The following OFD1 variants were observed in gnomAD, a reference collection of about 807,000 sequenced individuals.
OFD1 encodes the protein OFD1 centriole and centriolar satellite protein.
A neutral mutation model predicts 81.4 loss-of-function variants in OFD1; 12 were observed. The ratio of observed to expected loss-of-function variants is 0.15; its 90% confidence interval spans 0.09 to 0.24. The LOEUF (loss-of-function observed/expected upper bound fraction) is 0.24, where lower values mean the gene tolerates loss of function less well. OFD1 is among the 10% of genes least tolerant of loss of function. OFD1 has a pLI of 1.00. For missense variants in OFD1, 685 were observed against 733.9 expected, an observed-to-expected ratio of 0.93 and a Z score of 0.77; for synonymous variants, 256 against 263.7, an observed-to-expected ratio of 0.97 and a Z score of 0.28.
rs149902532 is a variant in OFD1 at position 13,742,879 on chromosome X, G to A, written c.413-1536G>A. Among the ~76,000 whole-genome samples the A allele has an allele frequency of 4.3e-3, 481 of 111,226 alleles. 1 individual carries two copies. Among genetic ancestry groups the A allele is most frequent in the African/African-American group, 0.015 (455 of 30,523 alleles). On this transcript the variant is annotated intron_variant, in intron 5 of 22. Coordinates refer to ENST00000340096, the MANE Select transcript of OFD1 (RefSeq NM_003611.3). ...AGTGTCGAAACCCATAGAGCTTTAC[G>A]TCATCAAGAGTGAACCTTAATGTTT...
chrX:13,762,230 A>G lies in OFD1; in HGVS notation c.2388-114A>G, dbSNP rs939141000. 59 of 535,516 alleles carry G rather than the reference A, an allele frequency of 1.1e-4. No homozygotes were observed. In the African/African-American group the frequency reaches 1.3e-3, roughly 12 times the overall value. The allele number at this position is 535,516 out of a possible 1,213,427, so 44.1% of individuals were successfully genotyped here. A position where few individuals can be genotyped will look rare whatever the true frequency, so the allele number is the denominator to read the frequency against. Reference sequence around the variant, plus strand: ...GTGAGGTGGAGCTATTTACAAGACAAAGAGAAAGGGAATTTTGTAGAGCCT... The same window carrying G: ...GTGAGGTGGAGCTATTTACAAGACAGAGAGAAAGGGAATTTTGTAGAGCCT... On this transcript the variant is annotated intron_variant, in intron 17 of 22. Transcript: ENST00000340096.
chrX:13,739,232 A>G lies in OFD1; in HGVS notation c.412+200A>G, dbSNP rs143448205. ...ATTAAAAAAACTGTAGACAGTATCA[A>G]AGGCCCTACAGACAGGCTGAAAGAT... On this transcript the variant is annotated intron_variant, in intron 5 of 22. Transcript: ENST00000340096. 3.1e-4 allele frequency: 125 copies of G among 407,042 alleles called. No homozygotes were observed. The East Asian group carries it at 4.3e-3, about 14-fold the overall frequency. The allele number at this position is 407,042 out of a possible 1,213,427, so 33.5% of individuals were successfully genotyped here. A position where few individuals can be genotyped will look rare whatever the true frequency, so the allele number is the denominator to read the frequency against.
intron 5 of OFD1, among the ~76,000 whole-genome samples, chrX:13,743,687 A>G (rs754971392): frequency 2.7e-5 from 3 of 111,724 alleles, no homozygotes; most frequent in African/African-American, 3.2e-5. Flanking sequence ...GTTCATGTTT[A>G]TTCAGCATCT....
At chrX:13,760,847 GT>G in intron 16 of OFD1, 127 bp downstream of exon 16, 1 of 917,071 alleles carries the variant, frequency 1.1e-6, no homozygotes, top group Non-Finnish European at 1.5e-6. Context: ...ACACAGAGCT[GT>G]TTAGAGAGTG....
At chrX:13,741,419 G>C (rs1303005570) in intron 5 of OFD1, among the ~76,000 whole-genome samples, 1 of 112,151 alleles carries the variant, frequency 8.9e-6, no homozygotes, top group East Asian at 2.8e-4. Context: ...CTTAACCGTT[G>C]TCTGTCCCCT....
chrX:13,768,973 A>AC, intron 22 of OFD1, 93 bp from the exon 23 acceptor site: 1 of 786,522 alleles, frequency 1.3e-6, no homozygotes, highest in South Asian at 2.1e-5. Context: ...TAGGGCAGAA[A>AC]CCCCCCAGGG....
At chrX:13,772,608 G>A (rs2048321796), downstream of OFD1, 2 of 288,318 alleles carry the variant, frequency 6.9e-6, no homozygotes, top group Non-Finnish European at 1.2e-5. Context: ...CAATAAATGT[G>A]AACATGCCAC....
chrX:13,723,548 C>T, the OFD1 span, among the ~76,000 whole-genome samples: 1 of 111,595 alleles, frequency 9.0e-6, no homozygotes, highest in South Asian at 3.7e-4. Flanking sequence ...CTTAGAATTC[C>T]AATATATAAT....
At chrX:13,761,524 AAAAC>A (rs1338413791) in intron 17 of OFD1, among the ~76,000 whole-genome samples, 20 of 112,478 alleles carry the variant, frequency 1.8e-4, no homozygotes, top group African/African-American at 6.1e-4. Flanking sequence ...ATTAAGATAA[AAAAC>A]AAATGTACAA....
chrX:13,753,796 A>C (rs1053259370), intron 11 of OFD1, among the ~76,000 whole-genome samples: 1 of 87,111 alleles, frequency 1.1e-5, no homozygotes. Context: ...TTTATTTTTC[A>C]CTTACGGAAA....
chrX:13,739,466 C>T (rs1037676649), intron 5 of OFD1, among the ~76,000 whole-genome samples: 11 of 111,943 alleles, frequency 9.8e-5, no homozygotes, highest in South Asian at 7.3e-4. Flanking sequence ...TTTATACAGG[C>T]CGGGCGTGGT....
chrX:13,747,647 G>A (rs1057077110), intron 8 of OFD1, among the ~76,000 whole-genome samples: 9 of 111,782 alleles, frequency 8.1e-5, no homozygotes, highest in Admixed American at 1.9e-4. Flanking sequence ...TCAAGGACTC[G>A]ATCTGGATAG....
chrX:13,761,193 C>T lies in OFD1; in HGVS notation c.2369C>T (p.Pro790Leu). 1 of 1,210,906 alleles carries T rather than the reference C, an allele frequency of 8.3e-7. No homozygotes were observed. Among genetic ancestry groups the T allele is most frequent in the Non-Finnish European group, 1.1e-6 (1 of 895,004 alleles). Residue 790 changes from proline (P) to leucine (L), a missense_variant, in exon 17 of 23, where the codon CCT becomes CTT. This residue lies in a region of OFD1 where 259 missense variants were observed against 254.4 expected (regional missense o/e 1.02). Coordinates refer to ENST00000340096, the MANE Select transcript of OFD1 (RefSeq NM_003611.3). ...CTCTCCATCCCTCCTGTCTCCAGCCCTCCGGAGCAGAAAGTGGGGTAAGTA... is the reference window on the plus strand; with the variant it reads ...CTCTCCATCCCTCCTGTCTCCAGCCTTCCGGAGCAGAAAGTGGGGTAAGTA... ...HSLSIPPVSS[P>L]PEQKVGLYRR...
upstream of OFD1, among the ~76,000 whole-genome samples, chrX:13,730,618 G>A (rs190863764): frequency 6.6e-4 from 74 of 111,684 alleles, no homozygotes; most frequent in African/African-American, 2.3e-3. Context: ...ACAAGCACAC[G>A]TATGTTTATT....
At chrX:13,725,491 C>T in the OFD1 span, among the ~76,000 whole-genome samples, 1 of 112,295 alleles carries the variant, frequency 8.9e-6, no homozygotes, top group Non-Finnish European at 1.9e-5. Flanking sequence ...CCAGCAAACT[C>T]CAACAGACCT....
downstream of OFD1, among the ~76,000 whole-genome samples, chrX:13,769,747 G>A (rs1293007424): frequency 9.0e-6 from 1 of 111,471 alleles, no homozygotes; most frequent in Non-Finnish European, 1.9e-5. Flanking sequence ...AGGCCCTTTT[G>A]CCCTTGCACC....
intron 17 of OFD1, among the ~76,000 whole-genome samples, chrX:13,761,638 CAG>C (rs2047934416): frequency 8.9e-6 from 1 of 112,265 alleles, no homozygotes; most frequent in East Asian, 2.8e-4. Flanking sequence ...GAAATATAAA[CAG>C]ATAAGGTTCT....
Position 13,749,445 on chromosome X carries a change from T to G in OFD1, c.847T>G (p.Tyr283Asp). 8.4e-7 allele frequency: 1 copy of G among 1,185,421 alleles called. No homozygotes were observed. Among genetic ancestry groups the G allele is most frequent in the Non-Finnish European group, 1.1e-6 (1 of 872,483 alleles). ...TATACAGATTGAAACAAAAGAAATT[T>G]ATGCTCAAAGGCAACTTTTACTAAA... ...KHQEIETKEI[Y>D]AQRQLLLKDM... The change falls in exon 9 of 23, where the codon TAT becomes GAT. Residue 283 changes from tyrosine (Y) to aspartate (D), a missense_variant. By Grantham distance (160) the Tyr-to-Asp change is radical. Transcript: ENST00000340096.
At position 13,746,859 on chromosome X, in the gene OFD1, T is replaced by G; in HGVS notation, c.734T>G (p.Phe245Cys). The G allele has an allele frequency of 8.3e-7, 1 of 1,208,514 alleles. No individual in the cohort carries two copies. The highest frequency in any genetic ancestry group is 1.1e-6 in the Non-Finnish European group (1 of 892,653). ...KKKYEKELTM[F>C]QNDFEKACQA... ...AAGTATGAAAAGGAGTTAACCATGT[T>G]CCAGAATGATTTTGAAAAAGCTTGT... Residue 245 changes from phenylalanine to cysteine, a missense_variant, in exon 8 of 23, where the codon TTC (phenylalanine) becomes TGC (cysteine). Transcript: ENST00000340096.
Sources: gnomAD v4.1 joint callset for allele counts (sites outside exome capture counted in the v4.1 genomes callset) on GRCh38, gnomAD v4.1.1 for gene constraint, gnomAD v4.1.1 regional missense constraint, MANE v1.5 for transcripts, NCBI Gene and HGNC (gene_info 2026-07-23, HGNC 2026-07-21) for gene names.